Variants in MGRN1 observed in about 807,000 individuals in gnomAD.
MGRN1 encodes the protein E3 ubiquitin-protein ligase MGRN1.
In MGRN1, 29 loss-of-function variants were observed where a neutral mutation model predicts 69.2. That is an observed-to-expected ratio of 0.42 (90% confidence interval 0.31 to 0.57). The LOEUF (loss-of-function observed/expected upper bound fraction) is 0.57. Ranked by LOEUF, MGRN1 falls within the 20% of genes least tolerant of loss-of-function variation. The pLI is 0.15. For synonymous variants in MGRN1, 470 were observed against 344.2 expected (o/e 1.37, Z -4.04); for missense variants, 998 against 796.2 (o/e 1.25, Z -3.05).
intron 1 of MGRN1, among the ~76,000 whole-genome samples, chr16:4,647,511 C>T (rs149781000): frequency 3.8e-4 from 58 of 152,346 alleles, no homozygotes; most frequent in African/African-American, 3.8e-4. Context: ...CTCCACCCCT[C>T]GTCTGCTCTG....
At chr16:4,638,854 G>A (rs375665737) in intron 1 of MGRN1, among the ~76,000 whole-genome samples, 3 of 152,204 alleles carry the variant, frequency 2.0e-5, no homozygotes, top group Non-Finnish European at 2.9e-5. Context: ...GGGTGGGAAC[G>A]ATGGCTGAGG....
At chr16:4,680,449 C>A (rs545735156) in intron 12 of MGRN1, 44 of 273,898 alleles carry the variant, frequency 1.6e-4, no homozygotes, top group African/African-American at 9.3e-4. Context: ...GCGCATGCTT[C>A]TTGGCCCCGT....
chr16:4,625,824 C>A (rs1234518972), intron 1 of MGRN1, among the ~76,000 whole-genome samples: 1 of 152,204 alleles, frequency 6.6e-6, no homozygotes, highest in Non-Finnish European at 1.5e-5. Context: ...CCCTCCATCT[C>A]CTCGTGGGGT....
intron 7 of MGRN1, among the ~76,000 whole-genome samples, chr16:4,667,772 G>C (rs538090418): frequency 1.3e-5 from 2 of 152,230 alleles, no homozygotes; most frequent in Non-Finnish European, 2.9e-5. Flanking sequence ...GTTCTATTTC[G>C]TTCCTGCGTT....
In MGRN1 at chr16:4,683,793, C is replaced by T. The variant is rs369651195; in HGVS notation, c.1529-50C>T. On this transcript the variant is annotated intron_variant, in intron 15 of 16. Transcript: ENST00000262370. The stretch of plus-strand genomic sequence containing the variant: ...CGGCCTCCTGCCCAGAGGGACCTGC[C>T]GGGACCTGGCCCCTGCCTGTAGGTC... 7.6e-5 allele frequency: 117 copies of T among 1,548,496 alleles called. 1 individual carries two copies. Among genetic ancestry groups the T allele is most frequent in the Middle Eastern group, 3.4e-4 (2 of 5,944 alleles).
intron 1 of MGRN1, among the ~76,000 whole-genome samples, chr16:4,647,819 G>C (rs2078306231): frequency 6.6e-6 from 1 of 152,156 alleles, no homozygotes; most frequent in Non-Finnish European, 1.5e-5. Flanking sequence ...AGTGGTCCCT[G>C]TTCTGCATGC....
At chr16:4,677,667 G>A (rs1471803903) in intron 11 of MGRN1, 95 bp downstream of exon 11, 7 of 1,193,978 alleles carry the variant, frequency 5.9e-6, no homozygotes, top group Admixed American at 2.0e-5. Context: ...GCAGCCCCGT[G>A]TTCTCTTCTG....
chr16:4,682,701 G>T, intron 13 of MGRN1, 122 bp from the exon 14 acceptor site: 1 of 1,177,122 alleles, frequency 8.5e-7, no homozygotes, highest in Non-Finnish European at 1.1e-6. Context: ...TCCAGGGAGT[G>T]TCCTTGCGTG....
chr16:4,665,083 G>A lies in MGRN1; in HGVS notation c.629-19G>A. On this transcript the variant is annotated intron_variant, in intron 6 of 16. Transcript: ENST00000262370. ...GGCAGGCCCCGACTCTGACTACTCTGCCCCTCTCTCCCCAGCAGTGGTGGA... is the reference window on the plus strand; with the variant it reads ...GGCAGGCCCCGACTCTGACTACTCTACCCCTCTCTCCCCAGCAGTGGTGGA... 1 of 1,614,214 alleles carries A rather than the reference G, an allele frequency of 6.2e-7. No individual in the cohort carries two copies. Among genetic ancestry groups the A allele is most frequent in the Non-Finnish European group, 8.5e-7 (1 of 1,180,038 alleles).
intron 10 of MGRN1, 104 bp from the exon 11 acceptor site, chr16:4,677,359 G>C: frequency 1.2e-6 from 1 of 802,112 alleles, no homozygotes. Context: ...GGTCACCCCA[G>C]GACCCCTATG....
chr16:4,680,348 C>T (rs2079152798), intron 12 of MGRN1: 3 of 489,684 alleles, frequency 6.1e-6, no homozygotes, highest in Non-Finnish European at 1.1e-5. Context: ...CCGCGTGGCC[C>T]CCGTGCCGTT....
intron 5 of MGRN1, chr16:4,658,997 A>G (rs1373064426): frequency 6.6e-6 from 1 of 152,128 alleles, no homozygotes; most frequent in Non-Finnish European, 1.5e-5. Context: ...ACCCTGTCTC[A>G]AAAGTAAGAC....
chr16:4,664,988 G>A (rs923828297), intron 6 of MGRN1, 114 bp from the exon 7 acceptor site: 23 of 1,305,818 alleles, frequency 1.8e-5, no homozygotes, highest in Middle Eastern at 2.0e-4. Context: ...AGGACTCTAT[G>A]GACTCTGTGC....
chr16:4,660,492 A>G (rs73516897), intron 5 of MGRN1, among the ~76,000 whole-genome samples: 2,306 of 152,330 alleles, frequency 0.015, 65 homozygotes, highest in African/African-American at 0.052. Flanking sequence ...ATGAGAAAAA[A>G]AATCACAGCT....
chr16:4,673,842 C>T (rs2078996353), intron 10 of MGRN1, among the ~76,000 whole-genome samples, 185 bp downstream of exon 10: 1 of 152,184 alleles, frequency 6.6e-6, no homozygotes, highest in Admixed American at 6.5e-5. Context: ...AGAGAGCTGG[C>T]AGGGACGCTA....
At chr16:4,651,918 C>T in intron 2 of MGRN1, 45 bp from the exon 3 acceptor site, 1 of 1,572,644 alleles carries the variant, frequency 6.4e-7, no homozygotes, top group Non-Finnish European at 8.8e-7. Context: ...CTGTTGTTGG[C>T]TGCTCCTGAG....
chr16:4,686,260 C>T, intron 16 of MGRN1: 1 of 1,544,060 alleles, frequency 6.5e-7, no homozygotes, highest in South Asian at 1.2e-5. Flanking sequence ...TCCGCGCAGC[C>T]CTGGGGCCCG....
In MGRN1 at chr16:4,670,373, G is replaced by C. The variant is rs146650805; in HGVS notation, c.727-1018G>C. 8.0e-3 allele frequency among the ~76,000 whole-genome samples: 1,219 copies of C among 152,322 alleles called. 15 individuals carry two copies. Among genetic ancestry groups the C allele is most frequent in the African/African-American group, 0.028 (1,165 of 41,576 alleles). Reference sequence around the variant, plus strand: ...TTCTTCTGCCTCAGCATCCCGAGTAGCTGGGACTACAGGCACGCGCCACCA... The same window carrying C: ...TTCTTCTGCCTCAGCATCCCGAGTACCTGGGACTACAGGCACGCGCCACCA... On this transcript the variant is annotated intron_variant, in intron 8 of 16. Transcript: ENST00000262370.
At chr16:4,631,507 G>A (rs841176) in intron 1 of MGRN1, among the ~76,000 whole-genome samples, 35,816 of 152,158 alleles carry the variant, frequency 0.24, 4,880 homozygotes, top group African/African-American at 0.37. Flanking sequence ...GGGGGCATCT[G>A]TTGGGTAGAG....
Sources: allele counts gnomAD v4.1 joint callset (sites outside exome capture counted in the v4.1 genomes callset), GRCh38; gene constraint gnomAD v4.1.1; transcripts MANE v1.5; gene names NCBI Gene and HGNC (gene_info 2026-07-23, HGNC 2026-07-21).